DNAJC15: variants seen among roughly 807,000 people sequenced by gnomAD.
The protein encoded by DNAJC15 is DnaJ heat shock protein family (Hsp40) member C15, also known as dnaJ homolog subfamily C member 15.
A neutral mutation model predicts 22.4 loss-of-function variants in DNAJC15; 27 were observed. The ratio of observed to expected loss-of-function variants is 1.20; its 90% CI spans 0.89 to 1.66. DNAJC15 has a LOEUF of 1.66. Among genes scored for constraint, DNAJC15 ranks in the 40% most tolerant of loss-of-function variants. The probability of loss-of-function intolerance (pLI) is 0.00; values close to 1 mark genes in which losing one functional copy is unlikely to be tolerated. For missense variants in DNAJC15, 208 were observed against 187.1 expected, an observed-to-expected ratio of 1.11 and a Z score of -0.65; for synonymous variants, 79 against 63.2, an observed-to-expected ratio of 1.25 and a Z score of -1.19.
intron 4 of DNAJC15, among the ~76,000 whole-genome samples, chr13:43,083,187 A>T (rs577567354): frequency 5.6e-4 from 85 of 151,274 alleles, no homozygotes; most frequent in African/African-American, 1.9e-3. Flanking sequence ...TTTTTTTTTG[A>T]GACGGAGTCT....
At chr13:43,107,063 G>T (rs899447884) in intron 5 of DNAJC15, 115 bp from the exon 6 acceptor site, 7 of 763,594 alleles carry the variant, frequency 9.2e-6, no homozygotes, top group Non-Finnish European at 1.3e-5. Flanking sequence ...AAAATAATTT[G>T]TCAGAGGATT....
chr13:43,106,781 A>G (rs757480228), intron 5 of DNAJC15, among the ~76,000 whole-genome samples: 3 of 148,794 alleles, frequency 2.0e-5, no homozygotes, highest in Non-Finnish European at 4.5e-5. Context: ...ACCCGTTTTC[A>G]CAGATGAATG....
chr13:43,052,998 G>A (rs2040512731), intron 1 of DNAJC15, among the ~76,000 whole-genome samples: 1 of 152,094 alleles, frequency 6.6e-6, no homozygotes, highest in Admixed American at 6.5e-5. Flanking sequence ...ACCAATGTTT[G>A]GAAGGGTTTT....
At chr13:43,100,956 C>T (rs1359968112) in intron 5 of DNAJC15, among the ~76,000 whole-genome samples, 1 of 152,128 alleles carries the variant, frequency 6.6e-6, no homozygotes, top group African/African-American at 2.4e-5. Context: ...CATATGTTTA[C>T]AGTTGTCCCA....
At position 43,108,266 on chromosome 13, in the gene DNAJC15, G is replaced by A. The variant is rs969176249; in HGVS notation, c.*1018G>A. On this transcript the variant is annotated 3_prime_UTR_variant, in exon 6 of 6. Coordinates refer to ENST00000379221, the MANE Select transcript of DNAJC15 (RefSeq NM_013238.3). ...AAGTGTTATTCTGAGATGAGAATTA[G>A]CAGAAATAGATATATCAATCGGAGT... is the stretch of plus-strand genomic sequence containing the variant. The A allele has an allele frequency of 1.3e-5, 2 of 152,186 alleles. No individual in the cohort carries two copies. The highest frequency in any genetic ancestry group is 2.1e-4 in the South Asian group (1 of 4,832). 9.4% of individuals were successfully genotyped at this position (152,186 alleles called of 1,614,324 possible). A position where few individuals can be genotyped will look rare whatever the true frequency, so the allele number is the denominator to read the frequency against.
At chr13:43,059,084 T>G (rs926648675) in intron 1 of DNAJC15, among the ~76,000 whole-genome samples, 1 of 152,126 alleles carries the variant, frequency 6.6e-6, no homozygotes, top group Non-Finnish European at 1.5e-5. Flanking sequence ...ACGGTGTGAG[T>G]CTCCACATGC....
intron 1 of DNAJC15, among the ~76,000 whole-genome samples, chr13:43,053,974 G>T (rs1358497551): frequency 6.6e-6 from 1 of 152,138 alleles, no homozygotes; most frequent in African/African-American, 2.4e-5. Flanking sequence ...GTGTAAGTGG[G>T]CATCCTTGTC....
chr13:43,028,371 AT>A (rs950939063), intron 1 of DNAJC15, among the ~76,000 whole-genome samples: 3 of 151,454 alleles, frequency 2.0e-5, no homozygotes, highest in Non-Finnish European at 4.4e-5. Flanking sequence ...CATCTCTGTA[AT>A]TTTTTTCATG....
At chr13:43,069,118 C>T (rs1191666050) in intron 3 of DNAJC15, 115 bp downstream of exon 3, 5 of 990,488 alleles carry the variant, frequency 5.0e-6, no homozygotes, top group African/African-American at 3.3e-5. Flanking sequence ...AGTTTGTTTC[C>T]TTCACTATAT....
chr13:43,079,766 G>A (rs17064138), intron 4 of DNAJC15, among the ~76,000 whole-genome samples: 2,602 of 152,162 alleles, frequency 0.017, 90 homozygotes, highest in East Asian at 0.11. Context: ...ATATTATGCA[G>A]GGCACTTACG....
At chr13:43,065,632 C>T in intron 1 of DNAJC15, 54 bp from the exon 2 acceptor site, 1 of 1,410,438 alleles carries the variant, frequency 7.1e-7, no homozygotes, top group African/African-American at 1.4e-5. Context: ...AAATGATTTA[C>T]TTTTAAAACC....
At chr13:43,051,194 TCTCGAA>T (rs1479534281) in intron 1 of DNAJC15, among the ~76,000 whole-genome samples, 1 of 152,112 alleles carries the variant, frequency 6.6e-6, no homozygotes. Flanking sequence ...GCAAGGCTGG[TCTCGAA>T]CTCCTGACCT....
intron 1 of DNAJC15, among the ~76,000 whole-genome samples, chr13:43,038,817 A>G (rs1476363017): frequency 6.6e-6 from 1 of 151,706 alleles, no homozygotes; most frequent in Non-Finnish European, 1.5e-5. Flanking sequence ...AAAAAAAAAA[A>G]AAGGAAAATA....
At chr13:43,057,764 G>A (rs902381663) in intron 1 of DNAJC15, among the ~76,000 whole-genome samples, 2 of 152,156 alleles carry the variant, frequency 1.3e-5, no homozygotes, top group African/African-American at 2.4e-5. Context: ...AAAGGCTGCT[G>A]TTCAGATCCT....
intron 3 of DNAJC15, among the ~76,000 whole-genome samples, chr13:43,069,761 A>C (rs1483901124): frequency 1.3e-5 from 2 of 152,170 alleles, no homozygotes; most frequent in Non-Finnish European, 2.9e-5. Flanking sequence ...ATCATCCGCT[A>C]TTCTGCTATT....
At chr13:43,045,101 C>CT (rs1183135446) in intron 1 of DNAJC15, among the ~76,000 whole-genome samples, 1 of 152,128 alleles carries the variant, frequency 6.6e-6, no homozygotes, top group Non-Finnish European at 1.5e-5. Context: ...ACCTTGTTGC[C>CT]TATTTTTTTC....
chr13:43,097,688 A>G (rs1443323658), intron 5 of DNAJC15, among the ~76,000 whole-genome samples: 2 of 152,200 alleles, frequency 1.3e-5, no homozygotes, highest in African/African-American at 2.4e-5. Context: ...CTGTAATCCC[A>G]GCACTTTGGG....
At chr13:43,078,289 A>G (rs914242440) in intron 3 of DNAJC15, among the ~76,000 whole-genome samples, 1 of 152,212 alleles carries the variant, frequency 6.6e-6, no homozygotes, top group African/African-American at 2.4e-5. Context: ...GACTTCATCA[A>G]GGTTATCCAA....
chr13:43,062,821 T>A (rs1037146366), intron 1 of DNAJC15, among the ~76,000 whole-genome samples: 1 of 151,998 alleles, frequency 6.6e-6, no homozygotes, highest in African/African-American at 2.4e-5. Flanking sequence ...TGGGTTCAAG[T>A]GATTCTCCTG....
Sources: gnomAD v4.1 joint callset for allele counts (sites outside exome capture counted in the v4.1 genomes callset) on GRCh38, gnomAD v4.1.1 for gene constraint, MANE v1.5 for transcripts, NCBI Gene and HGNC (gene_info 2026-07-23, HGNC 2026-07-21) for gene names.